Variants in DAB1 observed in about 807,000 individuals in gnomAD.
DAB1 encodes the protein DAB adaptor protein 1.
Under a neutral mutation model 64.6 loss-of-function variants are expected in DAB1, and 15 were observed. That is an observed-to-expected ratio of 0.23 (90% CI 0.16 to 0.36). The LOEUF is 0.36. DAB1 is among the 10% of genes least tolerant of loss of function. The pLI, the probability that DAB1 is intolerant of heterozygous loss-of-function variation, is 1.00. For missense variants in DAB1, 596 were observed against 706.7 expected (o/e 0.84, Z 1.78); for synonymous variants, 235 against 251.9 (o/e 0.93, Z 0.64).
intron 6 of DAB1, among the ~76,000 whole-genome samples, chr1:57,715,972 A>G (rs1254378112): frequency 6.6e-6 from 1 of 152,168 alleles, no homozygotes; most frequent in Non-Finnish European, 1.5e-5. Context: ...ATGCAATGGC[A>G]TGAACTCGGC....
chr1:58,108,057 G>C (rs1367550683), intron 5 of DAB1, among the ~76,000 whole-genome samples: 1 of 152,224 alleles, frequency 6.6e-6, no homozygotes, highest in Non-Finnish European at 1.5e-5. Flanking sequence ...GTTGCTGTGA[G>C]AGAGGAACTC....
At chr1:57,987,593 G>A (rs903004645) in intron 5 of DAB1, among the ~76,000 whole-genome samples, 12 of 152,278 alleles carry the variant, frequency 7.9e-5, no homozygotes, top group South Asian at 2.1e-4. Flanking sequence ...TAAACCATAC[G>A]TGGCAGAGTG....
intron 4 of DAB1, among the ~76,000 whole-genome samples, chr1:58,173,907 G>A (rs754868457): frequency 3.3e-5 from 5 of 152,140 alleles, no homozygotes; most frequent in Non-Finnish European, 7.4e-5. Context: ...ACTCCTACTT[G>A]TAGGGTTAGG....
In DAB1 at chr1:58,531,146, T is replaced by C. The variant is rs185354343; in HGVS notation, n.33-3811A>G. Among the ~76,000 whole-genome samples, 249 of 152,330 alleles carry C rather than the reference T, an allele frequency of 1.6e-3. 1 individual carries two copies. The highest frequency in any genetic ancestry group is 5.8e-3 in the African/African-American group (243 of 41,580). Reference sequence around the variant, plus strand: ...ACCCGGTCAGTTTTAGTTTTTAATATAGTTGCATCATTTTAAAAAATCAAG... The same window carrying C: ...ACCCGGTCAGTTTTAGTTTTTAATACAGTTGCATCATTTTAAAAAATCAAG... On this transcript the variant is annotated intron_variant and non_coding_transcript_variant, in intron 1 of 20. Coordinates refer to the DAB1 transcript ENST00000485760.
At chr1:57,571,587 G>C (rs1645194744) in intron 7 of DAB1, among the ~76,000 whole-genome samples, 1 of 152,178 alleles carries the variant, frequency 6.6e-6, no homozygotes, top group East Asian at 1.9e-4. Context: ...TACAGTGTTT[G>C]AGCCTAGGGC....
chr1:57,273,077 CACCTTTT>C (rs1671142756), intron 2 of DAB1, among the ~76,000 whole-genome samples: 1 of 152,160 alleles, frequency 6.6e-6, no homozygotes, highest in Admixed American at 6.5e-5. Context: ...CTATTTGCAC[CACCTTTT>C]AACCCATCTT....
chr1:57,960,557 T>C (rs1645495282), intron 5 of DAB1, among the ~76,000 whole-genome samples: 1 of 151,788 alleles, frequency 6.6e-6, no homozygotes, highest in Non-Finnish European at 1.5e-5. Context: ...AATAAGGTAG[T>C]ATAAATACAT....
intron 2 of DAB1, among the ~76,000 whole-genome samples, chr1:57,149,654 A>G (rs1659474897): frequency 2.0e-5 from 3 of 152,132 alleles, no homozygotes; most frequent in African/African-American, 7.2e-5. Flanking sequence ...ATCTATTCAA[A>G]TCCCAGAGCC....
intron 4 of DAB1, among the ~76,000 whole-genome samples, chr1:58,224,982 G>T (rs952060996): frequency 5.0e-4 from 76 of 152,132 alleles, no homozygotes; most frequent in Non-Finnish European, 9.1e-4. Flanking sequence ...AAACTAAAGA[G>T]CTTCTGCACA....
At chr1:58,219,127 C>G (rs1184395144) in intron 4 of DAB1, among the ~76,000 whole-genome samples, 2 of 151,888 alleles carry the variant, frequency 1.3e-5, no homozygotes, top group Non-Finnish European at 2.9e-5. Context: ...GAAAAGGGCT[C>G]TGCACCCACA....
intron 6 of DAB1, among the ~76,000 whole-genome samples, chr1:57,713,491 G>C (rs769787390): frequency 6.6e-6 from 1 of 152,184 alleles, no homozygotes; most frequent in Admixed American, 6.5e-5. Flanking sequence ...AGAGGTACAG[G>C]CTTCAGAAAA....
chr1:58,078,768 G>A (rs899988083), intron 5 of DAB1, among the ~76,000 whole-genome samples: 11 of 152,112 alleles, frequency 7.2e-5, no homozygotes, highest in African/African-American at 2.7e-4. Flanking sequence ...CACCCAAGGC[G>A]AGTCCCATTA....
intron 3 of DAB1, among the ~76,000 whole-genome samples, chr1:58,362,619 T>A (rs1227563511): frequency 6.6e-6 from 1 of 152,124 alleles, no homozygotes; most frequent in Non-Finnish European, 1.5e-5. Context: ...TAGCTGAATG[T>A]GGGGGTAGGG....
chr1:58,396,637 T>C (rs1052884381), intron 3 of DAB1, among the ~76,000 whole-genome samples: 1 of 149,240 alleles, frequency 6.7e-6, no homozygotes, highest in South Asian at 2.1e-4. Flanking sequence ...AGAGAGAGAC[T>C]CATGGCGACA....
Position 57,417,641 on chromosome 1 carries a change from T to C in DAB1, c.-137+6289A>G, listed in dbSNP as rs181221977. Among the ~76,000 whole-genome samples the C allele has an allele frequency of 3.3e-5, 5 of 152,318 alleles. No individual in the cohort carries two copies. In the East Asian group the frequency reaches 9.6e-4, roughly 29 times the overall value. On this transcript the variant is annotated intron_variant, in intron 1 of 14. Transcript: ENST00000371236. The stretch of plus-strand genomic sequence containing the variant: ...ATCTTACTAAGAACAGGATATATAA[T>C]TCAATATCTTCCAAACATTTTTGAA...
intron 5 of DAB1, among the ~76,000 whole-genome samples, chr1:57,986,318 A>G (rs1646217219): frequency 6.6e-6 from 1 of 152,098 alleles, no homozygotes; most frequent in African/African-American, 2.4e-5. Context: ...AGTCTTCTTG[A>G]TTGGGATTAA....
chr1:57,023,470 C>T (rs760617250), intron 11 of DAB1, 61 bp downstream of exon 11: 61 of 976,126 alleles, frequency 6.2e-5, no homozygotes, highest in Admixed American at 4.6e-4. Context: ...GCTCTGTAAA[C>T]TCTTTCTCTC....
At chr1:58,220,612 T>C (rs1570501469) in intron 4 of DAB1, among the ~76,000 whole-genome samples, 1 of 152,186 alleles carries the variant, frequency 6.6e-6, no homozygotes, top group Non-Finnish European at 1.5e-5. Context: ...GCAGTGGCTG[T>C]GGAGTCTCTG....
At chr1:58,274,707 G>C (rs1661392549) in intron 4 of DAB1, among the ~76,000 whole-genome samples, 1 of 152,188 alleles carries the variant, frequency 6.6e-6, no homozygotes, top group Non-Finnish European at 1.5e-5. Flanking sequence ...ATAATCTCGT[G>C]GTTCGCCGCT....
Sources: allele counts gnomAD v4.1 joint callset (sites outside exome capture counted in the v4.1 genomes callset), GRCh38; gene constraint gnomAD v4.1.1; transcripts MANE v1.5; gene names NCBI Gene and HGNC (gene_info 2026-07-23, HGNC 2026-07-21).